The following TTC6 variants were observed in gnomAD, a reference collection of about 807,000 sequenced individuals.
TTC6 encodes tetratricopeptide repeat protein 6.
A neutral mutation model predicts 210.4 loss-of-function variants in TTC6; 172 were observed. The ratio of observed to expected loss-of-function variants is 0.82; its 90% CI spans 0.72 to 0.93. The LOEUF (loss-of-function observed/expected upper bound fraction) is 0.93, where lower values mean the gene tolerates loss of function less well. Ranked by LOEUF, TTC6 falls within the 40% of genes least tolerant of loss-of-function variation. The pLI, the probability that TTC6 is intolerant of heterozygous loss-of-function variation, is 0.00. For missense variants in TTC6, 2,414 were observed against 2,318.1 expected (o/e 1.04, Z -0.85); for synonymous variants, 804 against 819.6 (o/e 0.98, Z 0.32).
intron 27 of TTC6, among the ~76,000 whole-genome samples, chr14:37,825,771 TTA>T (rs1333003622): frequency 6.6e-6 from 1 of 152,118 alleles, no homozygotes; most frequent in Non-Finnish European, 1.5e-5. Flanking sequence ...CAATACATAT[TTA>T]TGTTATTATG....
At chr14:37,725,485 G>C (rs1595156649) in intron 7 of TTC6, among the ~76,000 whole-genome samples, 1 of 151,054 alleles carries the variant, frequency 6.6e-6, no homozygotes, top group Non-Finnish European at 1.5e-5. Flanking sequence ...TGAGTAGCTA[G>C]GATTACAGGC....
chr14:37,787,308 T>G (rs1257163505), intron 14 of TTC6, among the ~76,000 whole-genome samples, 160 bp from the exon 17 acceptor site: 1 of 152,256 alleles, frequency 6.6e-6, no homozygotes, highest in Non-Finnish European at 1.5e-5. Flanking sequence ...ATAAAAAGTT[T>G]GTATCATTTT....
intron 29 of TTC6, among the ~76,000 whole-genome samples, chr14:37,830,973 A>G (rs927271194): frequency 4.6e-5 from 7 of 152,134 alleles, no homozygotes; most frequent in African/African-American, 9.7e-5. Context: ...GAAATATACA[A>G]TAAGTTATAA....
intron 1 of TTC6, among the ~76,000 whole-genome samples, chr14:37,667,321 C>A (rs1372117606): frequency 6.7e-6 from 1 of 150,314 alleles, no homozygotes; most frequent in Non-Finnish European, 1.5e-5. Context: ...TGGTTCCCCA[C>A]CCCCTGCCCA....
At chr14:37,702,877 C>A (rs961719582) in intron 5 of TTC6, among the ~76,000 whole-genome samples, 1 of 151,866 alleles carries the variant, frequency 6.6e-6, no homozygotes, top group African/African-American at 2.4e-5. Flanking sequence ...AAAAGAAGGT[C>A]ATTTTTATGT....
At chr14:37,671,155 G>C (rs189367693) in intron 1 of TTC6, among the ~76,000 whole-genome samples, 15 of 152,236 alleles carry the variant, frequency 9.9e-5, no homozygotes, top group African/African-American at 3.4e-4. Context: ...TGAGGGATCT[G>C]CTCCCAGGAT....
At chr14:37,725,312 G>GTGTGTA (rs1318506400) in intron 7 of TTC6, among the ~76,000 whole-genome samples, 41 of 33,906 alleles carry the variant, frequency 1.2e-3, no homozygotes, top group South Asian at 6.7e-3. Context: ...GTGTGTGTGT[G>GTGTGTA]TATATATATA....
intron 2 of TTC6, among the ~76,000 whole-genome samples, chr14:37,615,762 TTTTTC>T (rs1267201339): frequency 6.6e-6 from 1 of 152,212 alleles, no homozygotes; most frequent in African/African-American, 2.4e-5. Context: ...TTCAATTTTC[TTTTTC>T]TTTTTATTAA....
At chr14:37,682,944 G>A (rs566994812) in exon 3 of TTC6, 1 of 1,535,468 alleles carries the variant, frequency 6.5e-7, no homozygotes, top group South Asian at 1.2e-5. Flanking sequence ...TTCAAAAGAA[G>A]CCAAGTGGGT....
At position 37,598,904 on chromosome 14, in the gene TTC6, GGAGTGGTTC is replaced by G. The variant is rs2095609796; in HGVS notation, c.-235+2901_-235+2909del. Among the ~76,000 whole-genome samples the G allele has an allele frequency of 6.6e-6, 1 of 152,194 alleles. No individual in the cohort carries two copies. The highest frequency in any genetic ancestry group is 6.5e-5 in the Admixed American group (1 of 15,282). On this transcript the variant is annotated intron_variant, in intron 1 of 2. Coordinates refer to the TTC6 transcript ENST00000556845. This position sits in a 1 kb window ranked among gnomAD's most constrained non-coding sequence, Gnocchi z 4.9. ...TCAGCAACCCAGCCATGCTTGGTGT[GGAGTGGTTC>G]GAGTTCCTCCGCGGGCCCCCACCCC...
intron 7 of TTC6, among the ~76,000 whole-genome samples, chr14:37,732,130 C>T (rs1268991090): frequency 6.9e-6 from 1 of 145,632 alleles, no homozygotes; most frequent in Admixed American, 6.9e-5. Context: ...GATAAACAGT[C>T]AATTAACACA....
chr14:37,728,175 A>G (rs1272730522), intron 7 of TTC6, among the ~76,000 whole-genome samples: 1 of 77,084 alleles, frequency 1.3e-5, no homozygotes, highest in Non-Finnish European at 3.3e-5. Flanking sequence ...ATAATAATAG[A>G]CTTTATTATA....
At chr14:37,826,498 TAA>T (rs1398517280) in intron 28 of TTC6, 151 bp downstream of exon 30, 6 of 724,628 alleles carry the variant, frequency 8.3e-6, no homozygotes, top group African/African-American at 7.2e-5. Flanking sequence ...ATCCCTAGGG[TAA>T]AGAGTTATGG....
chr14:37,617,350 T>C (rs1286920628), upstream of TTC6, among the ~76,000 whole-genome samples: 1 of 152,218 alleles, frequency 6.6e-6, no homozygotes, highest in African/African-American at 2.4e-5. Flanking sequence ...TATAGGCATA[T>C]TCTAAGTGAC....
At chr14:37,758,337 G>A (rs971206399) in intron 14 of TTC6, among the ~76,000 whole-genome samples, 1 of 152,284 alleles carries the variant, frequency 6.6e-6, no homozygotes, top group South Asian at 2.1e-4. Context: ...AGGTCTCTAA[G>A]AACTTGCTTT....
intron 14 of TTC6, among the ~76,000 whole-genome samples, chr14:37,759,402 T>C (rs1262993562): frequency 6.6e-6 from 1 of 152,188 alleles, no homozygotes; most frequent in Non-Finnish European, 1.5e-5. Context: ...CCTTTGTGGG[T>C]AACTTGACCT....
upstream of TTC6, among the ~76,000 whole-genome samples, chr14:37,621,367 T>G (rs530209394): frequency 4.6e-5 from 7 of 152,294 alleles, no homozygotes; most frequent in South Asian, 1.4e-3. Flanking sequence ...TCCAACACTT[T>G]GGAAGGCTGA....
intron 1 of TTC6, among the ~76,000 whole-genome samples, chr14:37,672,101 A>G (rs1595086985): frequency 6.6e-6 from 1 of 152,200 alleles, no homozygotes; most frequent in East Asian, 1.9e-4. Context: ...TTTATGGAAT[A>G]CTGTTGACTA....
chr14:37,822,889 T>G (rs1283898908), intron 26 of TTC6, among the ~76,000 whole-genome samples: 2 of 152,328 alleles, frequency 1.3e-5, no homozygotes, highest in Non-Finnish European at 2.9e-5. Flanking sequence ...AAAATGTAGA[T>G]AATTATAACT....
Sources: allele counts gnomAD v4.1 joint callset (sites outside exome capture counted in the v4.1 genomes callset), GRCh38; gene constraint gnomAD v4.1.1; non-coding constraint Gnocchi (gnomAD v3.1); transcripts MANE v1.5; gene names NCBI Gene and HGNC (gene_info 2026-07-23, HGNC 2026-07-21).